Variants in CTDP1 observed in about 807,000 individuals in gnomAD.
CTDP1 encodes RNA polymerase II subunit A C-terminal domain phosphatase.
In CTDP1, 47 loss-of-function variants were observed where a neutral mutation model predicts 91.8. The ratio of observed to expected loss-of-function variants is 0.51; its 90% confidence interval spans 0.41 to 0.65. CTDP1 has a LOEUF of 0.65. Ranked by LOEUF, CTDP1 falls within the 30% of genes least tolerant of loss-of-function variation. The pLI, the probability that CTDP1 is intolerant of heterozygous loss-of-function variation, is 0.00. For synonymous variants in CTDP1, 656 were observed against 598.5 expected, an observed-to-expected ratio of 1.10 and a Z score of -1.40; for missense variants, 1,272 against 1,373.7, an observed-to-expected ratio of 0.93 and a Z score of 1.17.
At chr18:79,753,372 C>G (rs1034076772) in intron 12 of CTDP1, among the ~76,000 whole-genome samples, 5 of 152,258 alleles carry the variant, frequency 3.3e-5, no homozygotes, top group African/African-American at 1.2e-4. Context: ...CACAGGTGTT[C>G]ATGAGCGGCC....
In CTDP1 at chr18:79,697,952, C is replaced by T. The variant is rs202234517; in HGVS notation, c.585C>T (p.His195=). ...LMVDLDQTLI[H]TTEQHCQQMS... ...TGGACTTGGACCAGACGTTGATTCA[C>T]ACAACCGAGCAGCACTGTCAGCAGA... is the stretch of plus-strand genomic sequence containing the variant. The change falls in exon 4 of 13, where the codon CAC becomes CAT. Residue 195 remains histidine (H), a synonymous_variant. Coordinates refer to ENST00000613122, the MANE Select transcript of CTDP1 (RefSeq NM_004715.5). 3.1e-6 allele frequency: 5 copies of T among 1,614,222 alleles called. No homozygotes were observed. The East Asian group carries it at 1.1e-4, about 36-fold the overall frequency.
At chr18:79,688,807 T>C (rs1449448468) in intron 1 of CTDP1, among the ~76,000 whole-genome samples, 2 of 152,262 alleles carry the variant, frequency 1.3e-5, no homozygotes, top group Non-Finnish European at 2.9e-5. Flanking sequence ...CGCTAAGTGC[T>C]GGGATTACAG....
intron 10 of CTDP1, among the ~76,000 whole-genome samples, chr18:79,728,074 G>T (rs2086487678): frequency 6.6e-6 from 1 of 152,062 alleles, no homozygotes; most frequent in South Asian, 2.1e-4. Context: ...AACTATACAA[G>T]CACAAGATTT....
rs1408187559 is a variant in CTDP1 at position 79,727,389 on chromosome 18, G to A, written c.2418-1518G>A. 4.0e-5 allele frequency among the ~76,000 whole-genome samples: 6 copies of A among 151,590 alleles called. No homozygotes were observed. In the South Asian group the frequency reaches 8.4e-4, roughly 21 times the overall value. ...GCGTTCACGGGATGGAAAGCGCAGC[G>A]TTCACGGTGTTCACGGGATGGGAAG... On this transcript the variant is annotated intron_variant, in intron 10 of 12. Coordinates refer to ENST00000613122, the MANE Select transcript of CTDP1 (RefSeq NM_004715.5).
In CTDP1 at chr18:79,713,799, C is replaced by T. The variant is rs1175473294; in HGVS notation, c.1030+661C>T. Among the ~76,000 whole-genome samples, 1 of 152,038 alleles carries T rather than the reference C, an allele frequency of 6.6e-6. No homozygotes were observed. Among genetic ancestry groups the T allele is most frequent in the African/African-American group, 2.4e-5 (1 of 41,380 alleles). On this transcript the variant is annotated intron_variant, in intron 7 of 12. Transcript: ENST00000613122. The surrounding 1 kb of genome is among the most constrained non-coding windows in gnomAD (Gnocchi z 4.7). ...TCAGCGTGGAGTTGCTGACTTCCTC[C>T]AGACCGTGGCTTGGGAAACCGTGGC...
At chr18:79,736,936 G>T (rs2086682172) in intron 12 of CTDP1, among the ~76,000 whole-genome samples, 1 of 152,104 alleles carries the variant, frequency 6.6e-6, no homozygotes, top group South Asian at 2.1e-4. Context: ...ACGCAGGCAT[G>T]TACGGGGTCT....
intron 11 of CTDP1, among the ~76,000 whole-genome samples, chr18:79,729,568 T>C (rs918540242): frequency 6.6e-6 from 1 of 152,212 alleles, no homozygotes; most frequent in African/African-American, 2.4e-5. Context: ...CATCTCGTTA[T>C]CACAGCGCGA....
intron 12 of CTDP1, among the ~76,000 whole-genome samples, chr18:79,736,985 A>T (rs2086683201): frequency 6.6e-6 from 1 of 152,160 alleles, no homozygotes; most frequent in African/African-American, 2.4e-5. Flanking sequence ...TGCACATGGC[A>T]CTGCTGGTCA....
chr18:79,688,755 C>T (rs1326072108), intron 1 of CTDP1, among the ~76,000 whole-genome samples: 3 of 152,074 alleles, frequency 2.0e-5, no homozygotes, highest in Admixed American at 1.3e-4. Flanking sequence ...GTTGGCCAGG[C>T]TGGTCTGGAA....
At chr18:79,737,324 T>C (rs1274096574) in intron 12 of CTDP1, among the ~76,000 whole-genome samples, 4 of 152,246 alleles carry the variant, frequency 2.6e-5, no homozygotes, top group Non-Finnish European at 4.4e-5. Flanking sequence ...GTTCTGAATC[T>C]TGTCCGAGAA....
In CTDP1 at chr18:79,680,235, G is replaced by T; in HGVS notation, c.288G>T (p.Ala96=). 1 of 1,316,074 alleles carries T rather than the reference G, an allele frequency of 7.6e-7. No individual in the cohort carries two copies. 81.5% of individuals were successfully genotyped at this position (1,316,074 alleles called of 1,614,324 possible). Residue 96 remains alanine (A), a synonymous_variant, in exon 1 of 13, where the codon GCG becomes GCT. Transcript: ENST00000613122. The part of the protein sequence containing the change: ...ERAGVVRELC[A]QPGQVVAPGA... ...CGGGCGTGGTGCGGGAGCTGTGCGC[G>T]CAGCCGGGCCAGGTGGTCGCCCCAG...
At position 79,704,896 on chromosome 18, in the gene CTDP1, C is replaced by T; in HGVS notation, c.751C>T (p.Leu251=). ...ELHVFTFGSR[L]YAHTIAGFLD... is the part of the protein sequence containing the mutation. The stretch of plus-strand genomic sequence containing the variant: ...GCACGTCTTCACCTTCGGCAGCCGG[C>T]TGTACGCACACACCATCGCAGGTCA... Residue 251 remains leucine, a synonymous_variant, in exon 5 of 13, where the codon CTG becomes TTG. Coordinates refer to ENST00000613122, the MANE Select transcript of CTDP1 (RefSeq NM_004715.5). 1 of 1,613,464 alleles carries T rather than the reference C, an allele frequency of 6.2e-7. No homozygotes were observed.
rs776008872 is a variant in CTDP1, at chr18:79,714,531, G to A, written c.1071G>A (p.Pro357=). The A allele has an allele frequency of 2.5e-5, 41 of 1,613,142 alleles. No individual in the cohort carries two copies. In the East Asian group the frequency reaches 4.0e-4, roughly 16 times the overall value. ...GCACTGAGGTCTCAGAGCCATCTCC[G>A]CCCGTGAGAGACCCTGAGGGGGTAA... ...SRGTEVSEPS[P]PVRDPEGVTQ... is the part of the protein sequence containing the mutation. Residue 357 remains proline (P), a synonymous_variant, in exon 8 of 13, where the codon CCG becomes CCA. Transcript: ENST00000613122.
chr18:79,705,854 C>T (rs920531559), intron 5 of CTDP1, among the ~76,000 whole-genome samples: 2 of 152,184 alleles, frequency 1.3e-5, no homozygotes, highest in African/African-American at 4.8e-5. Context: ...ACCTTTAATT[C>T]CTCTTGTAAT....
At chr18:79,686,681 G>T (rs1391224094) in intron 1 of CTDP1, among the ~76,000 whole-genome samples, 1 of 152,276 alleles carries the variant, frequency 6.6e-6, no homozygotes, top group Non-Finnish European at 1.5e-5. Flanking sequence ...GAATGCTGGT[G>T]TCGTACGATT....
intron 7 of CTDP1, 96 bp from the exon 8 acceptor site, chr18:79,714,395 T>C (rs911937937): frequency 4.9e-6 from 7 of 1,429,544 alleles, no homozygotes; most frequent in South Asian, 4.7e-5. Flanking sequence ...GGTGGTGGAC[T>C]TCACAGCCAT....
upstream of CTDP1, chr18:79,679,339 G>C (rs1445486929): frequency 1.8e-5 from 8 of 445,248 alleles, no homozygotes; most frequent in Admixed American, 1.7e-4. Flanking sequence ...ACGTCTCTGG[G>C]CCCGCGGCGC....
chr18:79,721,828 A>T (rs986965949), intron 10 of CTDP1, among the ~76,000 whole-genome samples: 41 of 146,210 alleles, frequency 2.8e-4, no homozygotes, highest in African/African-American at 7.6e-4. Flanking sequence ...ATTTTTATTT[A>T]TTTTTTTTTT....
chr18:79,732,680 A>T (rs1394468802), intron 11 of CTDP1, among the ~76,000 whole-genome samples: 1 of 151,466 alleles, frequency 6.6e-6, no homozygotes, highest in African/African-American at 2.4e-5. Context: ...GAGTGCTCCC[A>T]AAATCACTTG....
Sources: gnomAD v4.1 joint callset for allele counts (sites outside exome capture counted in the v4.1 genomes callset) on GRCh38, gnomAD v4.1.1 for gene constraint, Gnocchi (gnomAD v3.1) non-coding constraint, MANE v1.5 for transcripts, NCBI Gene and HGNC (gene_info 2026-07-23, HGNC 2026-07-21) for gene names.